Variants in SKIL observed in about 807,000 individuals in gnomAD.
The protein encoded by SKIL is ski-like protein.
A neutral mutation model predicts 69.6 loss-of-function variants in SKIL; 20 were observed. The observed-to-expected ratio is 0.29, with a 90% CI of 0.20 to 0.42. SKIL has a LOEUF of 0.42. Ranked by LOEUF, SKIL falls within the 10% of genes least tolerant of loss-of-function variation. SKIL has a pLI of 1.00. For missense variants in SKIL, 745 were observed against 783.1 expected (o/e 0.95, Z 0.58); for synonymous variants, 310 against 279.9 (o/e 1.11, Z -1.08).
chr3:170,373,122 C>T lies in SKIL; in HGVS notation c.1099-8122C>T, dbSNP rs112754388. ...AGCGATTCTCTTGTTGCAGCCCCCT[C>T]GGTAGCTGGGACTACAGGCGTGCAC... On this transcript the variant is annotated intron_variant, in intron 2 of 6. Transcript: ENST00000259119. 2.8e-4 allele frequency among the ~76,000 whole-genome samples: 42 copies of T among 151,512 alleles called. 1 individual carries two copies. The highest frequency in any genetic ancestry group is 6.5e-4 in the African/African-American group (27 of 41,318).
chr3:170,366,998 G>T (rs939567385), intron 2 of SKIL, among the ~76,000 whole-genome samples: 6 of 152,114 alleles, frequency 3.9e-5, no homozygotes, highest in African/African-American at 1.4e-4. Flanking sequence ...AGATCAACAG[G>T]CAAATTAATC....
At position 170,371,346 on chromosome 3, in the gene SKIL, A is replaced by G. The variant is rs147894033; in HGVS notation, c.1099-9898A>G. ...TGAAACCCCATCTCTACTAAAAATA[A>G]TAATAAAAAAAATAGCTGGGCATGG... On this transcript the variant is annotated intron_variant, in intron 2 of 6. Transcript: ENST00000259119. Among the ~76,000 whole-genome samples, 422 of 151,986 alleles carry G rather than the reference A, an allele frequency of 2.8e-3. 1 individual carries two copies. Among genetic ancestry groups the G allele is most frequent in the African/African-American group, 0.01 (416 of 41,482 alleles).
intron 2 of SKIL, among the ~76,000 whole-genome samples, chr3:170,361,888 G>A (rs559035042): frequency 1.7e-4 from 26 of 152,158 alleles, no homozygotes; most frequent in African/African-American, 5.8e-4. Flanking sequence ...TCCAGCCAGG[G>A]CTTCTTTTTC....
At chr3:170,386,763 C>T (rs1737653946) in intron 4 of SKIL, among the ~76,000 whole-genome samples, 1 of 152,106 alleles carries the variant, frequency 6.6e-6, no homozygotes, top group South Asian at 2.1e-4. Flanking sequence ...AGCCACCATG[C>T]CTGGCCAATT....
intron 2 of SKIL, among the ~76,000 whole-genome samples, chr3:170,378,068 A>G (rs1737124340): frequency 6.8e-6 from 1 of 147,846 alleles, no homozygotes; most frequent in Non-Finnish European, 1.5e-5. Context: ...TAATTTTTGT[A>G]TTTTTAGTAA....
chr3:170,362,172 A>T (rs1006897526), intron 2 of SKIL, among the ~76,000 whole-genome samples: 10 of 152,300 alleles, frequency 6.6e-5, no homozygotes, highest in African/African-American at 2.4e-4. Flanking sequence ...AATGACAGCT[A>T]GAGTAAGGAA....
intron 2 of SKIL, among the ~76,000 whole-genome samples, chr3:170,376,443 T>C (rs1737038106): frequency 6.6e-6 from 1 of 152,206 alleles, no homozygotes; most frequent in African/African-American, 2.4e-5. Flanking sequence ...CAAAATGTTC[T>C]ACCCGTTAAG....
chr3:170,392,372 G>C lies in SKIL; in HGVS notation c.2010G>C (p.Glu670Asp), dbSNP rs141288298. Residue 670 changes from glutamate to aspartate, a missense_variant, in exon 7 of 7, where the codon GAG becomes GAC. Physicochemically the swap from Glu to Asp is conservative, Grantham distance 45. Coordinates refer to ENST00000259119, the MANE Select transcript of SKIL (RefSeq NM_005414.5). ...ARQKLEMMIKELKLQILKSSK... is the reference protein window; with the variant it reads ...ARQKLEMMIKDLKLQILKSSK... ...AGAAGTTAGAGATGATGATAAAAGAGCTAAAGCTGCAAATTCTGAAATCAT... is the reference window on the plus strand; with the variant it reads ...AGAAGTTAGAGATGATGATAAAAGACCTAAAGCTGCAAATTCTGAAATCAT... 3.7e-6 allele frequency: 6 copies of C among 1,611,800 alleles called. No homozygotes were observed. Among genetic ancestry groups the C allele is most frequent in the Non-Finnish European group, 5.1e-6 (6 of 1,178,430 alleles).
intron 2 of SKIL, among the ~76,000 whole-genome samples, chr3:170,372,503 T>G (rs1736841390): frequency 6.6e-6 from 1 of 152,240 alleles, no homozygotes; most frequent in South Asian, 2.1e-4. Flanking sequence ...AGACTAAGCC[T>G]TGAAATCTCT....
rs1298366255 is a variant in SKIL at position 170,392,325 on chromosome 3, A to G, written c.1963A>G (p.Arg655Gly). 1 of 1,613,282 alleles carries G rather than the reference A, an allele frequency of 6.2e-7. No individual in the cohort carries two copies. The highest frequency in any genetic ancestry group is 8.5e-7 in the Non-Finnish European group (1 of 1,179,384). ...ADRQELQDEL[R>G]QEREARQKLE... ...TAGGCAAGAACTCCAAGATGAACTC[A>G]GACAGGAACGGGAAGCAAGACAGAA... Residue 655 changes from arginine (R) to glycine (G), a missense_variant, in exon 7 of 7, where the codon AGA becomes GGA. Physicochemically the swap from Arg to Gly is moderately radical, Grantham distance 125 (BLOSUM62 -2). Coordinates refer to ENST00000259119, the MANE Select transcript of SKIL (RefSeq NM_005414.5).
intron 1 of SKIL, among the ~76,000 whole-genome samples, chr3:170,358,212 C>T (rs1420826858): frequency 1.3e-5 from 2 of 152,174 alleles, no homozygotes; most frequent in African/African-American, 2.4e-5. Context: ...TGGCCCGGGG[C>T]TGGCGCGGGG....
chr3:170,370,537 A>T (rs1437203069), intron 2 of SKIL, among the ~76,000 whole-genome samples: 1 of 141,334 alleles, frequency 7.1e-6, no homozygotes, highest in African/African-American at 2.6e-5. Flanking sequence ...TGCCTAATAA[A>T]GGTTTGGATA....
chr3:170,380,557 C>T (rs1737284333), intron 2 of SKIL, among the ~76,000 whole-genome samples: 2 of 151,954 alleles, frequency 1.3e-5, no homozygotes, highest in African/African-American at 2.4e-5. Flanking sequence ...AGCAGAGAAT[C>T]GCTTGAACCC....
At position 170,373,801 on chromosome 3, in the gene SKIL, G is replaced by A. The variant is rs542946730; in HGVS notation, c.1099-7443G>A. 2.6e-5 allele frequency among the ~76,000 whole-genome samples: 4 copies of A among 152,280 alleles called. No individual in the cohort carries two copies. The East Asian group carries it at 7.7e-4, about 29-fold the overall frequency. ...GACTACTCTGGAGGCTGAGGCACGA[G>A]GATCCCTTGAGCCCAGGAGTTGGAG... On this transcript the variant is annotated intron_variant, in intron 2 of 6. Transcript: ENST00000259119.
intron 2 of SKIL, among the ~76,000 whole-genome samples, chr3:170,364,245 G>A (rs1246148375): frequency 6.7e-6 from 1 of 150,258 alleles, no homozygotes; most frequent in African/African-American, 2.4e-5. Context: ...GAGCCACCAT[G>A]CCCAGTGGTG....
At chr3:170,384,287 C>T (rs1028073773) in intron 3 of SKIL, among the ~76,000 whole-genome samples, 1 of 152,064 alleles carries the variant, frequency 6.6e-6, no homozygotes, top group African/African-American at 2.4e-5. Context: ...ATGATCATAC[C>T]ACTACGCTCC....
chr3:170,389,394 A>G (rs1434849646), intron 4 of SKIL, among the ~76,000 whole-genome samples: 1 of 150,814 alleles, frequency 6.6e-6, no homozygotes, highest in African/African-American at 2.4e-5. Context: ...GCTCACTGCA[A>G]GCTCCGCCTC....
chr3:170,380,995 A>ATTT (rs35175326), intron 2 of SKIL, among the ~76,000 whole-genome samples: 2,651 of 140,078 alleles, frequency 0.019, 111 homozygotes, highest in East Asian at 0.11. Context: ...CAACTGGCTA[A>ATTT]TTTTTTTTTT....
intron 4 of SKIL, among the ~76,000 whole-genome samples, chr3:170,386,122 T>G (rs1737619077): frequency 6.7e-6 from 1 of 148,302 alleles, no homozygotes; most frequent in South Asian, 2.1e-4. Flanking sequence ...TTTTCTGGTT[T>G]TTTTGTTTGT....
Sources: allele counts gnomAD v4.1 joint callset (sites outside exome capture counted in the v4.1 genomes callset), GRCh38; gene constraint gnomAD v4.1.1; transcripts MANE v1.5; gene names NCBI Gene and HGNC (gene_info 2026-07-23, HGNC 2026-07-21).